The following GRIN2B variants were observed in gnomAD, a reference collection of about 807,000 sequenced individuals.
GRIN2B encodes the protein glutamate ionotropic receptor NMDA type subunit 2B.
In GRIN2B, 5 loss-of-function variants were observed where a neutral mutation model predicts 114.5. The observed-to-expected ratio is 0.04, with a 90% CI of 0.02 to 0.09. The LOEUF is 0.09. GRIN2B is among the 10% of genes least tolerant of loss of function. GRIN2B has a pLI of 1.00. For synonymous variants in GRIN2B, 787 were observed against 745.1 expected, an observed-to-expected ratio of 1.06 and a Z score of -0.92; for missense variants, 1,108 against 1,943.5, an observed-to-expected ratio of 0.57 and a Z score of 8.08.
At chr12:13,871,210 G>C (rs1049540436) in intron 2 of GRIN2B, among the ~76,000 whole-genome samples, 2 of 151,794 alleles carry the variant, frequency 1.3e-5, no homozygotes, top group Non-Finnish European at 2.9e-5. Context: ...AATGTATATA[G>C]AACAGAGAAT....
intron 3 of GRIN2B, among the ~76,000 whole-genome samples, chr12:13,840,249 A>G (rs111644804): frequency 1.3e-5 from 2 of 152,246 alleles, no homozygotes; most frequent in African/African-American, 4.8e-5. Context: ...TAGGGATCCA[A>G]GCATTCTAGA....
Position 13,927,180 on chromosome 12 carries a change from A to G in GRIN2B, c.-19+52748T>C, listed in dbSNP as rs527471125. ...GAAATCACAAAACTGGCAGAAAGGC[A>G]AGATATGATAGCGATACAAGATTTC... On this transcript the variant is annotated intron_variant, in intron 2 of 13. Transcript: ENST00000609686. Among the ~76,000 whole-genome samples, 9 of 152,330 alleles carry G rather than the reference A, an allele frequency of 5.9e-5. No homozygotes were observed. In the South Asian group the frequency reaches 1.9e-3, roughly 32 times the overall value.
chr12:13,871,578 AATT>A (rs1865908190), intron 2 of GRIN2B, among the ~76,000 whole-genome samples: 2 of 152,046 alleles, frequency 1.3e-5, no homozygotes, highest in African/African-American at 2.4e-5. Flanking sequence ...GATTAATTAT[AATT>A]AAGTTTTCAC....
chr12:13,705,100 G>A (rs1368799496), intron 4 of GRIN2B, among the ~76,000 whole-genome samples: 1 of 151,898 alleles, frequency 6.6e-6, no homozygotes, highest in Non-Finnish European at 1.5e-5. Flanking sequence ...ATGATTTGCT[G>A]TGCATACTCA....
intron 2 of GRIN2B, among the ~76,000 whole-genome samples, chr12:13,923,026 A>G (rs1866849354): frequency 6.6e-6 from 1 of 152,156 alleles, no homozygotes; most frequent in Non-Finnish European, 1.5e-5. Flanking sequence ...AATTCCTGCT[A>G]CCTACATCCT....
intron 3 of GRIN2B, among the ~76,000 whole-genome samples, chr12:13,794,206 T>G (rs1391079882): frequency 4.8e-5 from 1 of 20,706 alleles, no homozygotes; most frequent in African/African-American, 2.4e-4. Context: ...AGACTCTGTC[T>G]CAAAAAAAAA....
chr12:13,857,901 T>C (rs1865691055), intron 3 of GRIN2B, among the ~76,000 whole-genome samples: 1 of 152,156 alleles, frequency 6.6e-6, no homozygotes, highest in Non-Finnish European at 1.5e-5. Context: ...GCATGATGGA[T>C]GACTAACGCT....
rs1002870253 is a variant in GRIN2B, at chr12:13,538,983, A to G, written c.*23800T>C. 6.6e-6 allele frequency: 1 copy of G among 152,022 alleles called. No homozygotes were observed. The highest frequency in any genetic ancestry group is 2.1e-4 in the South Asian group (1 of 4,820). The allele number at this position is 152,022 out of a possible 1,614,324, so 9.4% of individuals were successfully genotyped here. ...TATTGTTAAAGCAGTTCTGTTGTCCAAAAAAAATTTGGGGTTTAAGGAAGT... is the reference window on the plus strand; with the variant it reads ...TATTGTTAAAGCAGTTCTGTTGTCCGAAAAAAATTTGGGGTTTAAGGAAGT... On this transcript the variant is annotated 3_prime_UTR_variant, in exon 14 of 14. Transcript: ENST00000609686.
At chr12:13,579,942 T>A (rs1948824872) in intron 10 of GRIN2B, among the ~76,000 whole-genome samples, 1 of 152,188 alleles carries the variant, frequency 6.6e-6, no homozygotes, top group South Asian at 2.1e-4. Flanking sequence ...GATGGGGCGT[T>A]AACATCAATT....
intron 8 of GRIN2B, 135 bp from the exon 9 acceptor site, chr12:13,611,985 G>T: frequency 1.2e-6 from 1 of 838,800 alleles, no homozygotes; most frequent in Non-Finnish European, 2.0e-6. Context: ...GGAAGCCAGG[G>T]CCTAGGTTAG....
At chr12:13,978,017 A>G (rs984408171) in intron 2 of GRIN2B, among the ~76,000 whole-genome samples, 1 of 152,128 alleles carries the variant, frequency 6.6e-6, no homozygotes, top group African/African-American at 2.4e-5. Flanking sequence ...GAGGTAGCTG[A>G]GATCCTGTCA....
At chr12:13,855,096 T>C (rs1865637952) in intron 3 of GRIN2B, among the ~76,000 whole-genome samples, 1 of 143,956 alleles carries the variant, frequency 6.9e-6, no homozygotes, top group South Asian at 2.2e-4. Context: ...TGCATGCCTG[T>C]AATCCCAGCT....
chr12:13,810,401 AC>A (rs1315315412), intron 3 of GRIN2B, among the ~76,000 whole-genome samples: 1 of 151,848 alleles, frequency 6.6e-6, no homozygotes, highest in Non-Finnish European at 1.5e-5. Context: ...TGTGTCCTCT[AC>A]TAAAAAGTTT....
chr12:13,694,693 ATATATATAT>A lies in GRIN2B; in HGVS notation c.1011-18843_1011-18835del, dbSNP rs1404894649. On this transcript the variant is annotated intron_variant, in intron 4 of 13. Transcript: ENST00000609686. ...TATATATATATATATATATATATAT[ATATATATAT>A]AAATTAATTAATATTGGTCACCACA... is the stretch of plus-strand genomic sequence containing the variant. Among the ~76,000 whole-genome samples, 362 of 120,436 alleles carry A rather than the reference ATATATATAT, an allele frequency of 3.0e-3. 3 individuals are homozygous for A. The highest frequency in any genetic ancestry group is 4.4e-3 in the Admixed American group (53 of 12,022). 79.0% of individuals were successfully genotyped at this position (120,436 alleles called of 152,430 possible).
At chr12:13,675,403 T>C (rs1314494078) in intron 5 of GRIN2B, among the ~76,000 whole-genome samples, 1 of 152,174 alleles carries the variant, frequency 6.6e-6, no homozygotes, top group African/African-American at 2.4e-5. Flanking sequence ...AGATGCTCTC[T>C]AGGACACAAC....
At chr12:13,803,599 T>C (rs1297392791) in intron 3 of GRIN2B, among the ~76,000 whole-genome samples, 1 of 152,198 alleles carries the variant, frequency 6.6e-6, no homozygotes, top group Non-Finnish European at 1.5e-5. Flanking sequence ...AAAGAAGTTT[T>C]CCATATAAAT....
chr12:13,824,590 C>T (rs900763945), intron 3 of GRIN2B, among the ~76,000 whole-genome samples: 7 of 152,080 alleles, frequency 4.6e-5, no homozygotes, highest in African/African-American at 1.2e-4. Context: ...CGCGGTGGCT[C>T]ACGCCTGTAA....
rs1329440372 is a variant in GRIN2B, at chr12:13,559,176, T to C, written c.*3607A>G. ...TTAAGTAACATCTAGATTTTAACAA[T>C]GCCCAGCCTTCCTTTCTTTAAGTTT... On this transcript the variant is annotated 3_prime_UTR_variant, in exon 14 of 14. Coordinates refer to ENST00000609686, the MANE Select transcript of GRIN2B (RefSeq NM_000834.5). 1 of 148,660 alleles carries C rather than the reference T, an allele frequency of 6.7e-6. No individual in the cohort carries two copies. Among genetic ancestry groups the C allele is most frequent in the African/African-American group, 2.6e-5 (1 of 38,870 alleles). 9.2% of individuals were successfully genotyped at this position (148,660 alleles called of 1,614,324 possible).
At chr12:13,775,329 G>T (rs1005748296) in intron 3 of GRIN2B, among the ~76,000 whole-genome samples, 1 of 152,150 alleles carries the variant, frequency 6.6e-6, no homozygotes. Flanking sequence ...TCCAGGTAGG[G>T]ACCAGACTCC....
Sources: allele counts gnomAD v4.1 joint callset (sites outside exome capture counted in the v4.1 genomes callset), GRCh38; gene constraint gnomAD v4.1.1; transcripts MANE v1.5; gene names NCBI Gene and HGNC (gene_info 2026-07-23, HGNC 2026-07-21).